Variants in R3HDM2 observed in about 807,000 individuals in gnomAD.
The protein encoded by R3HDM2 is R3H domain-containing protein 2.
Under a neutral mutation model 124.5 loss-of-function variants are expected in R3HDM2, and 38 were observed. The ratio of observed to expected loss-of-function variants is 0.31; its 90% CI spans 0.24 to 0.40. The LOEUF (loss-of-function observed/expected upper bound fraction) is 0.40. R3HDM2 is among the 10% of genes least tolerant of loss of function. The pLI is 1.00. For missense variants in R3HDM2, 869 were observed against 1,236.9 expected, an observed-to-expected ratio of 0.70 and a Z score of 4.46; for synonymous variants, 391 against 448.0, an observed-to-expected ratio of 0.87 and a Z score of 1.61.
chr12:57,403,320 C>T (rs1469946308), intron 1 of R3HDM2, among the ~76,000 whole-genome samples: 1 of 151,864 alleles, frequency 6.6e-6, no homozygotes, highest in African/African-American at 2.4e-5. Flanking sequence ...TGTGAAATCC[C>T]GTATCTACTA....
intron 2 of R3HDM2, among the ~76,000 whole-genome samples, chr12:57,334,122 G>C (rs2058567518): frequency 6.6e-6 from 1 of 152,098 alleles, no homozygotes; most frequent in South Asian, 2.1e-4. Context: ...GTTAGACTTA[G>C]ACTTAGCACA....
In R3HDM2 at chr12:57,310,348, G is replaced by C. The variant is rs1224546935; in HGVS notation, c.81C>G (p.Asn27Lys). ...SEKKLVEESV[N>K]KNKFISKTPS... is the part of the protein sequence containing the mutation. Reference sequence around the variant, plus strand: ...GAGTCTTAGATATAAACTTGTTTTTGTTTACAGATTCTTCCACCAGTTTTT... The same window carrying C: ...GAGTCTTAGATATAAACTTGTTTTTCTTTACAGATTCTTCCACCAGTTTTT... The change falls in exon 3 of 24, where the codon AAC (asparagine) becomes AAG (lysine). Residue 27 changes from asparagine (N) to lysine (K), a missense_variant. Physicochemically the swap from Asn to Lys is moderately conservative, Grantham distance 94. Around this residue, in one of 2 missense-constraint regions of R3HDM2, gnomAD observed 267 missense variants for 447.7 expected, o/e 0.60. Coordinates refer to ENST00000402412, the MANE Select transcript of R3HDM2 (RefSeq NM_001394031.1). The C allele has an allele frequency of 3.9e-6, 6 of 1,547,068 alleles. No individual in the cohort carries two copies. The East Asian group carries it at 1.2e-4, about 32-fold the overall frequency.
chr12:57,391,388 CT>C, intron 2 of R3HDM2, among the ~76,000 whole-genome samples: 1 of 152,174 alleles, frequency 6.6e-6, no homozygotes, highest in East Asian at 1.9e-4. Context: ...AGGATTCCAT[CT>C]GTGTAATGTT....
intron 2 of R3HDM2, among the ~76,000 whole-genome samples, chr12:57,344,840 T>G (rs1321683405): frequency 2.0e-5 from 3 of 152,092 alleles, no homozygotes; most frequent in Non-Finnish European, 4.4e-5. Flanking sequence ...TTTGTTTTTT[T>G]TTTGAGATGG....
intron 2 of R3HDM2, among the ~76,000 whole-genome samples, chr12:57,348,769 G>A (rs1381220000): frequency 1.4e-5 from 2 of 147,014 alleles, no homozygotes; most frequent in African/African-American, 5.0e-5. Flanking sequence ...TGTAGTCCCA[G>A]CTACTCAGGA....
chr12:57,283,881 G>T lies in R3HDM2; in HGVS notation c.1114C>A (p.Arg372=). Residue 372 remains arginine, a synonymous_variant, in exon 13 of 24, where the codon CGA becomes AGA. Coordinates refer to ENST00000402412, the MANE Select transcript of R3HDM2 (RefSeq NM_001394031.1). ...SSFSGISILT[R]GDSIGSSKGG... is the part of the protein sequence containing the mutation. ...TTACTGCTGCCGATGCTGTCACCTC[G>T]GGTAAGGATAGAGATTCCACTGAAG... 6.2e-7 allele frequency: 1 copy of T among 1,614,154 alleles called. No individual in the cohort carries two copies. The highest frequency in any genetic ancestry group is 8.5e-7 in the Non-Finnish European group (1 of 1,180,028).
At chr12:57,289,684 A>G (rs1365794907) in intron 11 of R3HDM2, among the ~76,000 whole-genome samples, 1 of 152,236 alleles carries the variant, frequency 6.6e-6, no homozygotes, top group Non-Finnish European at 1.5e-5. Flanking sequence ...AGCTTTAGGA[A>G]AAGGTACCAA....
intron 4 of R3HDM2, among the ~76,000 whole-genome samples, chr12:57,302,275 AAAAAG>A (rs998605982): frequency 1.3e-5 from 2 of 151,848 alleles, no homozygotes; most frequent in Non-Finnish European, 2.9e-5. Flanking sequence ...ACTCCATCTC[AAAAAG>A]AAAAGAAAAG....
At chr12:57,287,315 T>A (rs535500532) in intron 12 of R3HDM2, among the ~76,000 whole-genome samples, 2 of 152,334 alleles carry the variant, frequency 1.3e-5, no homozygotes, top group South Asian at 4.1e-4. Context: ...TTCTTACAGT[T>A]ATCCTGGGAT....
Position 57,375,675 on chromosome 12 carries a change from C to CT in R3HDM2, c.-36+20073dup, listed in dbSNP as rs35984368. Among the ~76,000 whole-genome samples, 170 of 133,358 alleles carry CT rather than the reference C, an allele frequency of 1.3e-3. 1 individual carries two copies. The highest frequency in any genetic ancestry group is 3.8e-3 in the Middle Eastern group (1 of 264). 87.5% of individuals were successfully genotyped at this position (133,358 alleles called of 152,430 possible). A position where few individuals can be genotyped will look rare whatever the true frequency, so the allele number is the denominator to read the frequency against. Reference sequence around the variant, plus strand: ...GTACTTATCCAGGTCAGATCAGCTGCTTTTTTTTTTTTTTTTGAGACGGAG... The same window carrying CT: ...GTACTTATCCAGGTCAGATCAGCTGCTTTTTTTTTTTTTTTTTGAGACGGAG... On this transcript the variant is annotated intron_variant, in intron 2 of 23. Transcript: ENST00000402412.
intron 2 of R3HDM2, among the ~76,000 whole-genome samples, chr12:57,375,768 G>A (rs927734897): frequency 2.6e-5 from 4 of 151,322 alleles, no homozygotes; most frequent in African/African-American, 9.7e-5. Context: ...TGACTCCCTG[G>A]TTCAAGCAAT....
intron 17 of R3HDM2, 86 bp downstream of exon 17, chr12:57,268,836 G>C: frequency 1.4e-6 from 2 of 1,476,426 alleles, no homozygotes; most frequent in Non-Finnish European, 1.8e-6. Context: ...TAGTATTGGA[G>C]TTTTTAGTAT....
chr12:57,408,737 AT>A lies in R3HDM2; in HGVS notation c.-105-12920del, dbSNP rs1436520693. Among the ~76,000 whole-genome samples the A allele has an allele frequency of 2.0e-5, 3 of 152,078 alleles. No individual in the cohort carries two copies. The East Asian group carries it at 5.8e-4, about 29-fold the overall frequency. On this transcript the variant is annotated intron_variant, in intron 1 of 23. Transcript: ENST00000402412. ...TTCATAAAAGAGCAAATCTCAAAAA[AT>A]ATATATATATTTGAAATATGATGAT... is the stretch of plus-strand genomic sequence containing the variant.
At chr12:57,392,494 C>A (rs546681539) in intron 2 of R3HDM2, among the ~76,000 whole-genome samples, 4 of 152,142 alleles carry the variant, frequency 2.6e-5, no homozygotes, top group Admixed American at 6.5e-5. Flanking sequence ...AATGTTCACT[C>A]GCCTGCCGCT....
In R3HDM2 at chr12:57,346,528, TGAAAG is replaced by T. The variant is rs2060108512; in HGVS notation, c.-35-36070_-35-36066del. On this transcript the variant is annotated intron_variant, in intron 2 of 23. Coordinates refer to ENST00000402412, the MANE Select transcript of R3HDM2 (RefSeq NM_001394031.1). ...ACAACATTTTTTTTAAAGTGCTAAA[TGAAAG>T]AACTATAAATACAGTATTCTATATC... is the stretch of plus-strand genomic sequence containing the variant. Among the ~76,000 whole-genome samples the T allele has an allele frequency of 2.0e-5, 3 of 151,488 alleles. No homozygotes were observed. In the South Asian group the frequency reaches 6.2e-4, roughly 32 times the overall value.
chr12:57,375,296 A>G (rs570065473), intron 2 of R3HDM2, among the ~76,000 whole-genome samples: 2 of 152,324 alleles, frequency 1.3e-5, no homozygotes, highest in African/African-American at 2.4e-5. Flanking sequence ...CTATAAAAGT[A>G]TAATATAGAA....
intron 2 of R3HDM2, among the ~76,000 whole-genome samples, chr12:57,377,711 C>T (rs899472705): frequency 1.3e-5 from 2 of 152,142 alleles, no homozygotes; most frequent in African/African-American, 4.8e-5. Flanking sequence ...GCCTACCTAG[C>T]CCTATCACAT....
At chr12:57,401,079 A>G (rs1459939390) in intron 1 of R3HDM2, among the ~76,000 whole-genome samples, 1 of 152,034 alleles carries the variant, frequency 6.6e-6, no homozygotes, top group Non-Finnish European at 1.5e-5. Context: ...AATGAAAGAG[A>G]GAAAGGGAAG....
intron 1 of R3HDM2, among the ~76,000 whole-genome samples, chr12:57,398,735 C>G (rs2067801962): frequency 6.6e-6 from 1 of 152,174 alleles, no homozygotes. Flanking sequence ...GTGATCCGCC[C>G]ACCTCAGCCT....
Sources: allele counts gnomAD v4.1 joint callset (sites outside exome capture counted in the v4.1 genomes callset), GRCh38; gene constraint gnomAD v4.1.1; regional missense constraint gnomAD v4.1.1; transcripts MANE v1.5; gene names NCBI Gene and HGNC (gene_info 2026-07-23, HGNC 2026-07-21).